The following CFDP1 variants were observed in gnomAD, a reference collection of about 807,000 sequenced individuals.
CFDP1 encodes chromatin remodeling protein CFDP1, also known as heterochromatin-stabilizing protein CFDP1.
A neutral mutation model predicts 40.1 loss-of-function variants in CFDP1; 31 were observed. That is an observed-to-expected ratio of 0.77 (90% CI 0.58 to 1.04). The LOEUF is 1.04. Ranked by LOEUF, CFDP1 falls within the 50% of genes least tolerant of loss-of-function variation. The pLI is 0.00. For synonymous variants in CFDP1, 167 were observed against 120.0 expected, an observed-to-expected ratio of 1.39 and a Z score of -2.56; for missense variants, 423 against 343.4, an observed-to-expected ratio of 1.23 and a Z score of -1.83.
chr16:75,425,197 CT>C (rs1275615144), intron 1 of CFDP1, among the ~76,000 whole-genome samples: 1 of 151,970 alleles, frequency 6.6e-6, no homozygotes, highest in African/African-American at 2.4e-5. Context: ...AAGTAGGATA[CT>C]TTTTCGAGAG....
At chr16:75,421,469 A>C (rs1277571863) in intron 1 of CFDP1, among the ~76,000 whole-genome samples, 1 of 152,346 alleles carries the variant, frequency 6.6e-6, no homozygotes, top group South Asian at 2.1e-4. Flanking sequence ...AAAAAAAGAT[A>C]GTAAGAATCA....
intron 1 of CFDP1, among the ~76,000 whole-genome samples, chr16:75,421,248 C>T (rs895451130): frequency 1.3e-5 from 2 of 152,030 alleles, no homozygotes; most frequent in African/African-American, 4.8e-5. Flanking sequence ...TCCCTGTTCC[C>T]CCTTTTTTCC....
intron 5 of CFDP1, among the ~76,000 whole-genome samples, chr16:75,393,696 A>G (rs1229831450): frequency 2.3e-5 from 3 of 132,552 alleles, no homozygotes; most frequent in Admixed American, 8.8e-5. Flanking sequence ...GCGCCACTGC[A>G]GTCCGCAGTC....
chr16:75,299,325 C>T (rs868092664), intron 6 of CFDP1, among the ~76,000 whole-genome samples: 1 of 151,918 alleles, frequency 6.6e-6, no homozygotes, highest in East Asian at 1.9e-4. Flanking sequence ...CAGTGGCTCA[C>T]GCCTGTAATC....
intron 4 of CFDP1, chr16:75,409,498 T>A (rs1254329827): frequency 1.3e-5 from 2 of 152,232 alleles, no homozygotes; most frequent in Non-Finnish European, 2.9e-5. Flanking sequence ...TATATTTGTT[T>A]TTCTAGTAAT....
intron 1 of CFDP1, among the ~76,000 whole-genome samples, chr16:75,428,525 G>C (rs1206636076): frequency 6.6e-6 from 1 of 152,078 alleles, no homozygotes; most frequent in Non-Finnish European, 1.5e-5. Flanking sequence ...GCTGAGGCAG[G>C]GGAATCGCTT....
intron 6 of CFDP1, among the ~76,000 whole-genome samples, chr16:75,301,446 C>T (rs2078220610): frequency 6.6e-6 from 1 of 151,108 alleles, no homozygotes; most frequent in Non-Finnish European, 1.5e-5. Context: ...CTGCAGCCTA[C>T]TCAGGTGACA....
chr16:75,408,559 A>G (rs2079125731), intron 4 of CFDP1, among the ~76,000 whole-genome samples: 1 of 152,018 alleles, frequency 6.6e-6, no homozygotes, highest in Non-Finnish European at 1.5e-5. Context: ...AGGGTGGATC[A>G]TAAGGTCAAG....
Position 75,337,287 on chromosome 16 carries a change from A to G in CFDP1, c.651-32105T>C, listed in dbSNP as rs546063039. Among the ~76,000 whole-genome samples, 19 of 152,264 alleles carry G rather than the reference A, an allele frequency of 1.2e-4. No individual in the cohort carries two copies. In the East Asian group the frequency reaches 3.3e-3, roughly 26 times the overall value. ...GGCACAAAGGTGGAGCAGCGGCCAC[A>G]GGCAGTACCACAAGGCAGGCAAGAT... On this transcript the variant is annotated intron_variant, in intron 5 of 6. Transcript: ENST00000283882.
intron 5 of CFDP1, among the ~76,000 whole-genome samples, chr16:75,345,161 A>T (rs114163077): frequency 0.022 from 3,349 of 152,086 alleles, 71 homozygotes; most frequent in African/African-American, 0.054. Flanking sequence ...CCCCATCACT[A>T]CAAAAATAAA....
At chr16:75,415,503 C>CT (rs1321326227) in intron 1 of CFDP1, among the ~76,000 whole-genome samples, 2 of 152,240 alleles carry the variant, frequency 1.3e-5, no homozygotes, top group Non-Finnish European at 2.9e-5. Context: ...AGAAGGCCCC[C>CT]TGTGCTCCCT....
chr16:75,354,447 G>C (rs537748649), intron 5 of CFDP1, among the ~76,000 whole-genome samples: 2 of 152,114 alleles, frequency 1.3e-5, no homozygotes, highest in East Asian at 3.9e-4. Context: ...CCTAACTCCA[G>C]CCTTAAAGTC....
chr16:75,382,135 A>AG (rs2078857758), intron 5 of CFDP1, among the ~76,000 whole-genome samples: 2 of 151,872 alleles, frequency 1.3e-5, no homozygotes, highest in South Asian at 4.2e-4. Context: ...AAAAAAAAAA[A>AG]AAAGCTCAGA....
intron 5 of CFDP1, among the ~76,000 whole-genome samples, chr16:75,385,998 T>A (rs968603509): frequency 5.3e-5 from 8 of 152,190 alleles, no homozygotes; most frequent in African/African-American, 1.9e-4. Flanking sequence ...CCAGGACAAT[T>A]TGGCACAACC....
intron 2 of CFDP1, among the ~76,000 whole-genome samples, chr16:75,413,449 C>A (rs2079179423): frequency 6.6e-6 from 1 of 151,614 alleles, no homozygotes; most frequent in Non-Finnish European, 1.5e-5. Flanking sequence ...AATCCAGCCA[C>A]TCGGAGGCTG....
At chr16:75,302,781 C>G (rs11645329) in intron 6 of CFDP1, among the ~76,000 whole-genome samples, 79,678 of 152,084 alleles carry the variant, frequency 0.52, 22,019 homozygotes, top group Admixed American at 0.67. Flanking sequence ...AGAGACAACA[C>G]TGCACTTCAT....
intron 5 of CFDP1, chr16:75,379,775 C>G (rs4888393): frequency 6.6e-6 from 1 of 152,070 alleles, no homozygotes; most frequent in Non-Finnish European, 1.5e-5. Flanking sequence ...AATCTCTGCA[C>G]TAGTTTATAT....
chr16:75,378,178 T>C (rs1404459059), intron 5 of CFDP1, among the ~76,000 whole-genome samples: 3 of 152,122 alleles, frequency 2.0e-5, no homozygotes, highest in African/African-American at 7.2e-5. Context: ...TAAGCTGCAT[T>C]GCTATGGAAA....
intron 5 of CFDP1, among the ~76,000 whole-genome samples, chr16:75,390,438 TGA>T (rs1567667914): frequency 6.6e-6 from 1 of 152,228 alleles, no homozygotes. Flanking sequence ...TACCCTGCCT[TGA>T]GCAAGAATCA....
Sources: gnomAD v4.1 joint callset for allele counts (sites outside exome capture counted in the v4.1 genomes callset) on GRCh38, gnomAD v4.1.1 for gene constraint, MANE v1.5 for transcripts, NCBI Gene and HGNC (gene_info 2026-07-23, HGNC 2026-07-21) for gene names.